Variants in RIPOR1 observed in about 807,000 individuals in gnomAD.
RIPOR1 encodes RHO family interacting cell polarization regulator 1, also known as rho family-interacting cell polarization regulator 1.
RIPOR1 carries 58 observed loss-of-function variants against 116.5 expected under a neutral mutation model. The observed-to-expected ratio is 0.50, with a 90% confidence interval of 0.40 to 0.62. The LOEUF is 0.62. RIPOR1 is among the 20% of genes least tolerant of loss of function. The pLI is 0.00. For missense variants in RIPOR1, 1,372 were observed against 1,586.2 expected, an observed-to-expected ratio of 0.86 and a Z score of 2.29; for synonymous variants, 605 against 650.0, an observed-to-expected ratio of 0.93 and a Z score of 1.05.
In RIPOR1 at chr16:67,546,606, C is replaced by T. The variant is rs534331436; in HGVS notation, c.*143C>T. ...GAAAATCTAATATATTCTTCTGTTG[C>T]CCCTGGGGTTGGAGAGTCAGTGCCT... On this transcript the variant is annotated 3_prime_UTR_variant, in exon 22 of 22. Transcript: ENST00000042381. 21 of 676,892 alleles carry T rather than the reference C, an allele frequency of 3.1e-5. No homozygotes were observed. Among genetic ancestry groups the T allele is most frequent in the Admixed American group, 1.6e-4 (6 of 36,760 alleles). 41.9% of individuals were successfully genotyped at this position (676,892 alleles called of 1,614,324 possible).
At position 67,528,930 on chromosome 16, in the gene RIPOR1, C is replaced by G. The variant is rs528610506; in HGVS notation, c.-24+16C>G. On this transcript the variant is annotated intron_variant, in intron 1 of 21. Transcript: ENST00000042381. ...GCGCAGCCATGTGAGTGTCCCGCGC[C>G]GTTTCCGGGGCTGCAGGCCGGGCGG... is the stretch of plus-strand genomic sequence containing the variant. 1.0e-5 allele frequency: 2 copies of G among 192,154 alleles called. No individual in the cohort carries two copies. The highest frequency in any genetic ancestry group is 4.8e-5 in the African/African-American group (2 of 41,828). The allele number at this position is 192,154 out of a possible 1,614,324, so 11.9% of individuals were successfully genotyped here.
At position 67,545,956 on chromosome 16, in the gene RIPOR1, T is replaced by C. The variant is rs751396904; in HGVS notation, c.3395T>C (p.Leu1132Pro). The stretch of plus-strand genomic sequence containing the variant: ...CCTCCCACCCTTCCACAGGCCCTCC[T>C]GTGCTTCCTGGACCAGCTGGAGGAT... Reference protein sequence around the residue: ...LGPTFRERALLCFLDQLEDED... With the variant: ...LGPTFRERALPCFLDQLEDED... Residue 1132 changes from leucine (L) to proline (P), a missense_variant, in exon 20 of 22, where the codon CTG (leucine) becomes CCG (proline). This residue lies in a region of RIPOR1 where 1,005 missense variants were observed against 1,144.7 expected (regional missense o/e 0.88). Coordinates refer to ENST00000042381, the MANE Select transcript of RIPOR1 (RefSeq NM_024519.4). The surrounding 1 kb of genome is among the most constrained non-coding windows in gnomAD (Gnocchi z 4.8). 2.5e-6 allele frequency: 4 copies of C among 1,614,092 alleles called. No individual in the cohort carries two copies. The highest frequency in any genetic ancestry group is 4.5e-5 in the East Asian group (2 of 44,880).
chr16:67,527,387 A>C (rs964267404), upstream of RIPOR1, among the ~76,000 whole-genome samples: 4 of 149,764 alleles, frequency 2.7e-5, no homozygotes, highest in South Asian at 2.1e-4. Flanking sequence ...TCCGTCCCCC[A>C]AAAAAAAACA....
intron 1 of RIPOR1, among the ~76,000 whole-genome samples, chr16:67,534,959 C>T (rs117535287): frequency 0.043 from 6,461 of 150,620 alleles, 194 homozygotes; most frequent in Non-Finnish European, 0.061. Context: ...CCTCCTGCCT[C>T]AGCCGCCCAG....
Position 67,542,414 on chromosome 16 carries a change from G to T in RIPOR1, c.1628G>T (p.Gly543Val). ...STDSGPSELP[G>V]PTHTTTGSTY... Reference sequence around the variant, plus strand: ...GACTCTGGCCCTTCAGAACTGCCAGGCCCCACTCACACCACTACAGGCTCT... The same window carrying T: ...GACTCTGGCCCTTCAGAACTGCCAGTCCCCACTCACACCACTACAGGCTCT... The change falls in exon 13 of 22, where the codon GGC (glycine) becomes GTC (valine). Residue 543 changes from glycine to valine, a missense_variant. Physicochemically the swap from Gly to Val is moderately radical, Grantham distance 109 (BLOSUM62 -3). This residue lies in a region of RIPOR1 where 1,005 missense variants were observed against 1,144.7 expected (regional missense o/e 0.88). Transcript: ENST00000042381. The surrounding 1 kb of genome is among the most constrained non-coding windows in gnomAD (Gnocchi z 4.6). 1 of 1,613,674 alleles carries T rather than the reference G, an allele frequency of 6.2e-7. No individual in the cohort carries two copies. Among genetic ancestry groups the T allele is most frequent in the Non-Finnish European group, 8.5e-7 (1 of 1,179,886 alleles).
intron 6 of RIPOR1, 31 bp downstream of exon 6, chr16:67,539,930 TG>T: frequency 6.2e-7 from 1 of 1,612,690 alleles, no homozygotes; most frequent in Non-Finnish European, 8.5e-7. Flanking sequence ...CAGAGTGGGG[TG>T]GGGGGTTGGA....
intron 4 of RIPOR1, chr16:67,539,511 G>A: frequency 1.6e-6 from 1 of 625,964 alleles, no homozygotes; most frequent in Non-Finnish European, 2.9e-6. Context: ...CAGGGAAGAG[G>A]TGGAAGGAGG....
At chr16:67,526,913 G>A (rs2142399236), upstream of RIPOR1, among the ~76,000 whole-genome samples, 1 of 152,358 alleles carries the variant, frequency 6.6e-6, no homozygotes, top group African/African-American at 2.4e-5. Context: ...GTAGACAGTG[G>A]TGCTTTGTAG....
rs774358248 is a variant in RIPOR1, at chr16:67,542,223, A to G, written c.1437A>G (p.Pro479=). 78 of 1,613,310 alleles carry G rather than the reference A, an allele frequency of 4.8e-5. No homozygotes were observed. The highest frequency in any genetic ancestry group is 6.4e-5 in the Non-Finnish European group (75 of 1,179,606). The change falls in exon 13 of 22, where the codon CCA becomes CCG. Residue 479 remains proline, a synonymous_variant. Transcript: ENST00000042381. The surrounding 1 kb of genome is among the most constrained non-coding windows in gnomAD (Gnocchi z 4.6). ...GPESLAWGPS[P]PTHPAPTHGE... is the part of the protein sequence containing the mutation. ...AAAGCCTAGCCTGGGGACCTAGCCC[A>G]CCTACACACCCAGCTCCCACCCATG...
chr16:67,529,748 T>C lies in RIPOR1; in HGVS notation c.-24+834T>C. 6.5e-7 allele frequency: 1 copy of C among 1,533,934 alleles called. No homozygotes were observed. The highest frequency in any genetic ancestry group is 8.7e-7 in the Non-Finnish European group (1 of 1,146,374). On this transcript the variant is annotated intron_variant, in intron 1 of 21. Transcript: ENST00000042381. This position sits in a 1 kb window ranked among gnomAD's most constrained non-coding sequence, Gnocchi z 4.1. ...GCGCAGCCTCGTGTAACAATACTTG[T>C]GCCCTGGCTGCAGTCTGCGGGGCCG... is the stretch of plus-strand genomic sequence containing the variant.
At chr16:67,539,534 G>C (rs1410261404) in intron 4 of RIPOR1, 194 bp from the exon 5 acceptor site, 1 of 705,936 alleles carries the variant, frequency 1.4e-6, no homozygotes, top group Non-Finnish European at 2.5e-6. Context: ...TCCTGGAGGG[G>C]GCTGAAGGGA....
intron 3 of RIPOR1, 67 bp downstream of exon 3, chr16:67,538,891 GAACCTTCTCCAGCCCC>G: frequency 6.2e-7 from 1 of 1,610,348 alleles, no homozygotes; most frequent in Non-Finnish European, 8.5e-7. Flanking sequence ...CTGCTAGCAG[GAACCTTCTCCAGCCCC>G]ATGCCCTCTC....
intron 1 of RIPOR1, among the ~76,000 whole-genome samples, chr16:67,532,001 C>T (rs1005387626): frequency 1.3e-5 from 2 of 152,136 alleles, no homozygotes; most frequent in African/African-American, 4.8e-5. Flanking sequence ...ATGCCATTCT[C>T]CCACCTCAGC....
Position 67,529,039 on chromosome 16 carries a change from A to G in RIPOR1, c.-24+125A>G. 1 of 153,646 alleles carries G rather than the reference A, an allele frequency of 6.5e-6. No homozygotes were observed. Among genetic ancestry groups the G allele is most frequent in the Non-Finnish European group, 1.5e-5 (1 of 68,704 alleles). The allele number at this position is 153,646 out of a possible 1,614,324, so 9.5% of individuals were successfully genotyped here. A position where few individuals can be genotyped will look rare whatever the true frequency, so the allele number is the denominator to read the frequency against. ...CTGCGGCTCTGTCCCGCCTCACCCC[A>G]TCTCCCGGACCCCGGCCGCGCCTTG... On this transcript the variant is annotated intron_variant, in intron 1 of 21. Transcript: ENST00000042381. The surrounding 1 kb of genome is among the most constrained non-coding windows in gnomAD (Gnocchi z 4.1).
At chr16:67,523,202 C>T (rs192032053) in intron 1 of RIPOR1, among the ~76,000 whole-genome samples, 589 of 152,196 alleles carry the variant, frequency 3.9e-3, no homozygotes, top group Admixed American at 8.3e-3. Context: ...CATCTCAGGC[C>T]TATGTGCACC....
Position 67,543,964 on chromosome 16 carries a change from C to T in RIPOR1, c.2601-335C>T, listed in dbSNP as rs2051082363. 2.5e-6 allele frequency: 1 copy of T among 407,348 alleles called. No homozygotes were observed. Among genetic ancestry groups the T allele is most frequent in the African/African-American group, 2.0e-5 (1 of 50,006 alleles). The allele number at this position is 407,348 out of a possible 1,614,324, so 25.2% of individuals were successfully genotyped here. A position where few individuals can be genotyped will look rare whatever the true frequency, so the allele number is the denominator to read the frequency against. The stretch of plus-strand genomic sequence containing the variant: ...TGAGAGTTGTGCCAGGTCCCTCCTT[C>T]CTCTGCTGCTGCCCAGGCTACAGCC... On this transcript the variant is annotated intron_variant, in intron 14 of 21. Transcript: ENST00000042381. The surrounding 1 kb of genome is among the most constrained non-coding windows in gnomAD (Gnocchi z 4.7).
chr16:67,521,638 C>T (rs1383719715), intron 1 of RIPOR1, among the ~76,000 whole-genome samples: 1 of 152,152 alleles, frequency 6.6e-6, no homozygotes, highest in Non-Finnish European at 1.5e-5. Flanking sequence ...CACCCCTTGC[C>T]CAAACCAGCA....
chr16:67,544,802 G>C lies in RIPOR1; in HGVS notation c.2841G>C (p.Trp947Cys). 1 of 1,598,422 alleles carries C rather than the reference G, an allele frequency of 6.3e-7. No homozygotes were observed. Among genetic ancestry groups the C allele is most frequent in the Non-Finnish European group, 8.6e-7 (1 of 1,168,380 alleles). Reference sequence around the variant, plus strand: ...CAGTATGCGAGTTCAGCAGGCGGTGGGAGATCCCGGCCAGCTCTGCCCAGG... The same window carrying C: ...CAGTATGCGAGTTCAGCAGGCGGTGCGAGATCCCGGCCAGCTCTGCCCAGG... Reference protein sequence around the residue: ...LEAVCEFSRRWEIPASSAQEV... With the variant: ...LEAVCEFSRRCEIPASSAQEV... Residue 947 changes from tryptophan to cysteine, a missense_variant, in exon 16 of 22, where the codon TGG becomes TGC. Physicochemically the swap from Trp to Cys is radical, Grantham distance 215. Around this residue, in one of 3 missense-constraint regions of RIPOR1, gnomAD observed 1,005 missense variants for 1,144.7 expected, o/e 0.88. Transcript: ENST00000042381. This position sits in a 1 kb window ranked among gnomAD's most constrained non-coding sequence, Gnocchi z 5.1.
Position 67,531,673 on chromosome 16 carries a change from G to T in RIPOR1, c.-24+2759G>T. On this transcript the variant is annotated intron_variant, in intron 1 of 21. Coordinates refer to ENST00000042381, the MANE Select transcript of RIPOR1 (RefSeq NM_024519.4). This position sits in a 1 kb window ranked among gnomAD's most constrained non-coding sequence, Gnocchi z 4.2. ...CAGTTGCTGGAACAGAGAAAGCAGG[G>T]GACTGGGAGGAGAGGAGTGGTTGAA... is the stretch of plus-strand genomic sequence containing the variant. 1 of 451,510 alleles carries T rather than the reference G, an allele frequency of 2.2e-6. No homozygotes were observed. The highest frequency in any genetic ancestry group is 4.5e-6 in the Non-Finnish European group (1 of 224,676). The allele number at this position is 451,510 out of a possible 1,614,324, so 28.0% of individuals were successfully genotyped here.
Sources: allele counts gnomAD v4.1 joint callset (sites outside exome capture counted in the v4.1 genomes callset), GRCh38; gene constraint gnomAD v4.1.1; regional missense constraint gnomAD v4.1.1; non-coding constraint Gnocchi (gnomAD v3.1); transcripts MANE v1.5; gene names NCBI Gene and HGNC (gene_info 2026-07-23, HGNC 2026-07-21).